Variants in PGBD5 observed in about 807,000 individuals in gnomAD.
The protein encoded by PGBD5 is piggyBac transposable element-derived protein 5.
Under a neutral mutation model 47.9 loss-of-function variants are expected in PGBD5, and 14 were observed. The observed-to-expected ratio is 0.29, with a 90% confidence interval of 0.19 to 0.46. The LOEUF is 0.46. Ranked by LOEUF, PGBD5 falls within the 20% of genes least tolerant of loss-of-function variation. The pLI is 1.00. For synonymous variants in PGBD5, 316 were observed against 306.3 expected (o/e 1.03, Z -0.33); for missense variants, 635 against 716.0 (o/e 0.89, Z 1.29).
At position 230,407,418 on chromosome 1, in the gene PGBD5, GA is replaced by G. The variant is rs200364755; in HGVS notation, c.331+18179del. Among the ~76,000 whole-genome samples, 4 of 150,636 alleles carry G rather than the reference GA, an allele frequency of 2.7e-5. No homozygotes were observed. In the East Asian group the frequency reaches 5.8e-4, roughly 22 times the overall value. Reference sequence around the variant, plus strand: ...AGTTCCTCCTGGAAACCATATTACGGAAAAAAAAACTGTTCCCTGAATTAAT... The same window carrying G: ...AGTTCCTCCTGGAAACCATATTACGGAAAAAAAACTGTTCCCTGAATTAAT... On this transcript the variant is annotated intron_variant, in intron 1 of 6. Transcript: ENST00000391860.
rs1231804089 is a variant in PGBD5, at chr1:230,404,629, AAT to A, written c.331+20967_331+20968del. 9.9e-3 allele frequency among the ~76,000 whole-genome samples: 1,070 copies of A among 108,440 alleles called. 18 individuals carry two copies. The highest frequency in any genetic ancestry group is 0.033 in the African/African-American group (920 of 28,084). The allele number at this position is 108,440 out of a possible 152,430, so 71.1% of individuals were successfully genotyped here. On this transcript the variant is annotated intron_variant, in intron 1 of 6. Transcript: ENST00000391860. Reference sequence around the variant, plus strand: ...CTTGTCTCAAAAAAAAAAAAAAAAAAATATATATATATATATATATGGCCTGG... The same window carrying A: ...CTTGTCTCAAAAAAAAAAAAAAAAAAATATATATATATATATATGGCCTGG...
At chr1:230,423,543 G>C (rs1322194241) in intron 1 of PGBD5, among the ~76,000 whole-genome samples, 2 of 152,130 alleles carry the variant, frequency 1.3e-5, no homozygotes, top group Non-Finnish European at 2.9e-5. Context: ...GATTTTCTCT[G>C]ACCAAACCCA....
intron 1 of PGBD5, among the ~76,000 whole-genome samples, chr1:230,394,748 C>T (rs1426612271): frequency 5.0e-5 from 6 of 118,894 alleles, no homozygotes; most frequent in Admixed American, 8.4e-5. Flanking sequence ...TACCCTCCTC[C>T]CCTCCACTCA....
At chr1:230,368,400 T>C (rs1667876426) in intron 1 of PGBD5, among the ~76,000 whole-genome samples, 1 of 152,254 alleles carries the variant, frequency 6.6e-6, no homozygotes, top group African/African-American at 2.4e-5. Context: ...TCAGCAGGGA[T>C]TGGGATTCTG....
intron 1 of PGBD5, among the ~76,000 whole-genome samples, chr1:230,393,718 G>A (rs183278223): frequency 0.014 from 2,122 of 151,938 alleles, 29 homozygotes; most frequent in Middle Eastern, 0.027. Context: ...CCAGCTACTC[G>A]GGAGGCTGAG....
intron 1 of PGBD5, among the ~76,000 whole-genome samples, chr1:230,363,790 A>G (rs1228963246): frequency 2.0e-5 from 3 of 152,222 alleles, no homozygotes; most frequent in Non-Finnish European, 2.9e-5. Flanking sequence ...TCCAGGCTAA[A>G]TCAAACAGGT....
At chr1:230,335,808 G>C (rs115068151) in intron 4 of PGBD5, among the ~76,000 whole-genome samples, 168 of 6,624 alleles carry the variant, frequency 0.025, no homozygotes, top group East Asian at 0.071. Flanking sequence ...AAGACACACA[G>C]ACACATACAC....
intron 1 of PGBD5, among the ~76,000 whole-genome samples, chr1:230,385,230 T>G (rs996332010): frequency 7.2e-5 from 11 of 152,226 alleles, no homozygotes; most frequent in Non-Finnish European, 1.5e-4. Context: ...CTTCTGGCTG[T>G]GGGGCCTTGA....
chr1:230,398,502 A>C (rs1657055015), intron 1 of PGBD5, among the ~76,000 whole-genome samples: 1 of 152,226 alleles, frequency 6.6e-6, no homozygotes, highest in Admixed American at 6.5e-5. Context: ...AAAGAAGGTC[A>C]CATTTTGAAG....
At chr1:230,423,241 T>C (rs540953867) in intron 1 of PGBD5, among the ~76,000 whole-genome samples, 2 of 152,274 alleles carry the variant, frequency 1.3e-5, no homozygotes, top group East Asian at 3.9e-4. Flanking sequence ...ATTTGAATTA[T>C]AAATTTTCCA....
At chr1:230,367,898 T>G (rs1381365449) in intron 1 of PGBD5, 2 of 1,325,960 alleles carry the variant, frequency 1.5e-6, no homozygotes, top group Admixed American at 2.2e-5. Context: ...GCTCTGCAGG[T>G]GAATGCAGAG....
intron 1 of PGBD5, among the ~76,000 whole-genome samples, chr1:230,419,797 T>C (rs1473489762): frequency 6.6e-6 from 1 of 152,172 alleles, no homozygotes; most frequent in African/African-American, 2.4e-5. Context: ...CTTTATCATT[T>C]GATGCTAAGG....
intron 1 of PGBD5, among the ~76,000 whole-genome samples, chr1:230,361,747 C>T (rs74143196): frequency 0.13 from 19,649 of 152,192 alleles, 2,490 homozygotes; most frequent in African/African-American, 0.33. Flanking sequence ...ACTTGATATT[C>T]CCTCCCCAGG....
intron 1 of PGBD5, among the ~76,000 whole-genome samples, chr1:230,403,330 A>G (rs1049220669): frequency 3.9e-5 from 6 of 152,252 alleles, no homozygotes; most frequent in Non-Finnish European, 8.8e-5. Flanking sequence ...CTTTTCCTTG[A>G]GATCAAGCCT....
intron 1 of PGBD5, among the ~76,000 whole-genome samples, chr1:230,406,307 G>A (rs1334375993): frequency 5.8e-5 from 6 of 102,618 alleles, no homozygotes; most frequent in South Asian, 3.9e-4. Context: ...GTGAGACTCC[G>A]TCTCAAAAAA....
chr1:230,366,990 G>A (rs1387099155), intron 1 of PGBD5, among the ~76,000 whole-genome samples: 2 of 151,954 alleles, frequency 1.3e-5, no homozygotes, highest in African/African-American at 2.4e-5. Context: ...TCCCACTTCC[G>A]TGGGACCTGA....
chr1:230,415,263 A>T (rs908152384), intron 1 of PGBD5, among the ~76,000 whole-genome samples: 3 of 140,424 alleles, frequency 2.1e-5, no homozygotes, highest in African/African-American at 7.6e-5. Context: ...TGACAGAACG[A>T]GACTCTGTCT....
chr1:230,337,789 G>A (rs1667349854), intron 3 of PGBD5, among the ~76,000 whole-genome samples: 2 of 152,130 alleles, frequency 1.3e-5, no homozygotes, highest in African/African-American at 2.4e-5. Context: ...AGAGGAGACA[G>A]GACTGAGGGC....
intron 2 of PGBD5, among the ~76,000 whole-genome samples, chr1:230,352,077 C>T (rs1667567725): frequency 6.9e-6 from 1 of 145,200 alleles, no homozygotes. Context: ...CAATGATTCC[C>T]AGAACTCTAC....
Sources: gnomAD v4.1 joint callset for allele counts (sites outside exome capture counted in the v4.1 genomes callset) on GRCh38, gnomAD v4.1.1 for gene constraint, MANE v1.5 for transcripts, NCBI Gene and HGNC (gene_info 2026-07-23, HGNC 2026-07-21) for gene names.